Variants in KCNIP1 observed in about 807,000 individuals in gnomAD.
KCNIP1 encodes A-type potassium channel modulatory protein KCNIP1.
KCNIP1 carries 18 observed loss-of-function variants against 33.0 expected under a neutral mutation model. The ratio of observed to expected loss-of-function variants is 0.55; its 90% CI spans 0.38 to 0.81. KCNIP1 has a LOEUF of 0.81. Among genes scored for constraint, KCNIP1 ranks in the 30% least tolerant of loss-of-function variants. KCNIP1 has a pLI of 0.00. For missense variants in KCNIP1, 238 were observed against 271.6 expected (o/e 0.88, Z 0.87); for synonymous variants, 93 against 98.3 (o/e 0.95, Z 0.32).
chr5:170,367,491 A>T (rs1164891866), intron 1 of KCNIP1, among the ~76,000 whole-genome samples: 2 of 152,142 alleles, frequency 1.3e-5, no homozygotes, highest in African/African-American at 4.8e-5. Context: ...CCAGCACAAG[A>T]CCTGGCATAG....
At chr5:170,430,266 G>T (rs986167537) in intron 1 of KCNIP1, among the ~76,000 whole-genome samples, 2 of 152,222 alleles carry the variant, frequency 1.3e-5, no homozygotes, top group African/African-American at 4.8e-5. Flanking sequence ...GACCATGCCA[G>T]TGCATGCTGA....
intron 1 of KCNIP1, among the ~76,000 whole-genome samples, chr5:170,619,544 C>A (rs1447222230): frequency 6.6e-6 from 1 of 152,162 alleles, no homozygotes; most frequent in Non-Finnish European, 1.5e-5. Context: ...GTGAAGGTGT[C>A]TTGACCAAAA....
At chr5:170,435,459 G>A (rs572947075) in intron 1 of KCNIP1, among the ~76,000 whole-genome samples, 6 of 152,320 alleles carry the variant, frequency 3.9e-5, no homozygotes, top group African/African-American at 9.6e-5. Context: ...CAACACCCCC[G>A]AGTTTCCGCC....
chr5:170,361,082 C>T (rs1484812777), intron 1 of KCNIP1, among the ~76,000 whole-genome samples: 1 of 152,222 alleles, frequency 6.6e-6, no homozygotes, highest in African/African-American at 2.4e-5. Flanking sequence ...CTCTCATGCT[C>T]TGCTGGGGGA....
In KCNIP1 at chr5:170,539,821, G is replaced by C. The variant is rs550636611; in HGVS notation, c.61+35188G>C. On this transcript the variant is annotated intron_variant, in intron 1 of 7. Coordinates refer to ENST00000328939, the MANE Select transcript of KCNIP1 (RefSeq NM_014592.4). The stretch of plus-strand genomic sequence containing the variant: ...GGGGGAAGTGAGGGGCTGAATTGGG[G>C]GGAATAGGTTCTTTGGTTATGGCCC... Among the ~76,000 whole-genome samples the C allele has an allele frequency of 6.6e-5, 10 of 152,178 alleles. No individual in the cohort carries two copies. The East Asian group carries it at 1.9e-3, about 29-fold the overall frequency.
intron 1 of KCNIP1, among the ~76,000 whole-genome samples, chr5:170,364,675 C>T (rs1295509131): frequency 2.0e-5 from 3 of 152,216 alleles, no homozygotes; most frequent in African/African-American, 7.2e-5. Context: ...CCTCATCTCC[C>T]CCAACACATT....
At chr5:170,726,065 T>C (rs1763994783) in intron 5 of KCNIP1, among the ~76,000 whole-genome samples, 1 of 152,092 alleles carries the variant, frequency 6.6e-6, no homozygotes, top group South Asian at 2.1e-4. Context: ...AACTTTGGAG[T>C]AGGAAAGGAT....
intron 1 of KCNIP1, among the ~76,000 whole-genome samples, chr5:170,516,467 T>A (rs1197083649): frequency 6.6e-6 from 1 of 152,196 alleles, no homozygotes; most frequent in Non-Finnish European, 1.5e-5. Flanking sequence ...TGGTACTTGG[T>A]GACTTGAACT....
intron 1 of KCNIP1, among the ~76,000 whole-genome samples, chr5:170,369,762 C>T (rs1465750250): frequency 2.0e-5 from 3 of 152,246 alleles, no homozygotes; most frequent in East Asian, 1.9e-4. Context: ...TAGATATAGG[C>T]GTCTTGCAGT....
At chr5:170,538,690 T>C (rs1044667571) in intron 1 of KCNIP1, among the ~76,000 whole-genome samples, 15 of 151,884 alleles carry the variant, frequency 9.9e-5, no homozygotes, top group African/African-American at 3.6e-4. Context: ...TCTCAGTTTA[T>C]GGACTGTCCA....
At chr5:170,448,049 T>C (rs1417578453) in intron 1 of KCNIP1, among the ~76,000 whole-genome samples, 1 of 152,102 alleles carries the variant, frequency 6.6e-6, no homozygotes, top group East Asian at 1.9e-4. Context: ...TTCCTCTTAG[T>C]AGCATCCTGA....
intron 1 of KCNIP1, among the ~76,000 whole-genome samples, chr5:170,703,713 G>A (rs13167226): frequency 0.082 from 11,286 of 137,626 alleles, 2,009 homozygotes; most frequent in Middle Eastern, 0.15. Flanking sequence ...AAAGTTACCC[G>A]CTAAATTAGC....
intron 1 of KCNIP1, among the ~76,000 whole-genome samples, chr5:170,438,676 G>A (rs747034591): frequency 1.3e-5 from 2 of 151,964 alleles, no homozygotes; most frequent in Non-Finnish European, 2.9e-5. Flanking sequence ...AGGGCTACAC[G>A]AAGCTCTAAA....
At chr5:170,405,628 A>T (rs755456158) in intron 1 of KCNIP1, among the ~76,000 whole-genome samples, 1 of 152,234 alleles carries the variant, frequency 6.6e-6, no homozygotes, top group Non-Finnish European at 1.5e-5. Context: ...ACAACTGGGC[A>T]GACCCTTCCT....
At chr5:170,549,026 G>A (rs1275891338) in intron 1 of KCNIP1, among the ~76,000 whole-genome samples, 1 of 152,148 alleles carries the variant, frequency 6.6e-6, no homozygotes. Flanking sequence ...GTCACTGTGA[G>A]GGATGGGGGT....
intron 1 of KCNIP1, chr5:170,389,789 G>T (rs978902269): frequency 6.6e-6 from 1 of 152,246 alleles, no homozygotes; most frequent in East Asian, 1.9e-4. Flanking sequence ...TGGCACTTAC[G>T]TGCTGTGTGA....
At chr5:170,614,169 T>A (rs145685120) in intron 1 of KCNIP1, among the ~76,000 whole-genome samples, 1 of 152,344 alleles carries the variant, frequency 6.6e-6, no homozygotes, top group Non-Finnish European at 1.5e-5. Context: ...CTAATCATCT[T>A]CCTAAATATT....
chr5:170,458,459 T>C (rs1302964085), intron 1 of KCNIP1, among the ~76,000 whole-genome samples: 1 of 149,268 alleles, frequency 6.7e-6, no homozygotes, highest in African/African-American at 2.5e-5. Flanking sequence ...AAGCACCAGG[T>C]AATCTATAAA....
At chr5:170,429,354 A>G (rs900925098) in intron 1 of KCNIP1, among the ~76,000 whole-genome samples, 1 of 150,946 alleles carries the variant, frequency 6.6e-6, no homozygotes, top group Non-Finnish European at 1.5e-5. Context: ...ACTTCAGCCT[A>G]GTCTCTCTTC....
Sources: gnomAD v4.1 joint callset for allele counts (sites outside exome capture counted in the v4.1 genomes callset) on GRCh38, gnomAD v4.1.1 for gene constraint, MANE v1.5 for transcripts, NCBI Gene and HGNC (gene_info 2026-07-23, HGNC 2026-07-21) for gene names.